The following POLR3A variants were observed in gnomAD, a reference collection of about 807,000 sequenced individuals.
POLR3A encodes the protein DNA-directed RNA polymerase III subunit RPC1.
In POLR3A, 112 loss-of-function variants were observed where a neutral mutation model predicts 152.8. The observed-to-expected ratio is 0.73, with a 90% CI of 0.63 to 0.86. POLR3A has a LOEUF of 0.86. Among genes scored for constraint, POLR3A ranks in the 40% least tolerant of loss-of-function variants. POLR3A has a pLI of 0.00. For missense variants in POLR3A, 1,385 were observed against 1,743.1 expected, an observed-to-expected ratio of 0.79 and a Z score of 3.66; for synonymous variants, 615 against 652.1, an observed-to-expected ratio of 0.94 and a Z score of 0.87.
chr10:77,991,483 C>T (rs889752005), intron 20 of POLR3A, among the ~76,000 whole-genome samples: 3 of 152,168 alleles, frequency 2.0e-5, no homozygotes, highest in East Asian at 1.9e-4. Flanking sequence ...AAAACTCAAA[C>T]ATTTCAAGAG....
chr10:78,029,158 G>A (rs747679422), intron 1 of POLR3A, among the ~76,000 whole-genome samples: 1 of 152,124 alleles, frequency 6.6e-6, no homozygotes, highest in African/African-American at 2.4e-5. Context: ...CCCAAGTCCA[G>A]GGACCTCTCG....
At position 78,009,872 on chromosome 10, in the gene POLR3A, T is replaced by C. The variant is rs1212153548; in HGVS notation, c.1762A>G (p.Ile588Val). ...ACAACTCCCACACACACCTTTAGGA[T>C]TGTAGGCGGTGGGAGGCGAACTTTA... is the stretch of plus-strand genomic sequence containing the variant. The part of the protein sequence containing the change: ...KIKVRLPPPT[I>V]LKPVTLWTGK... The change falls in exon 13 of 31, where the codon ATC becomes GTC. Residue 588 changes from isoleucine to valine, a missense_variant. Physicochemically the swap from Ile to Val is conservative, Grantham distance 29. Coordinates refer to ENST00000372371, the MANE Select transcript of POLR3A (RefSeq NM_007055.4). The C allele has an allele frequency of 5.0e-6, 8 of 1,613,956 alleles. No homozygotes were observed. The South Asian group carries it at 7.7e-5, about 16-fold the overall frequency.
At chr10:78,012,782 T>C (rs907993229) in intron 11 of POLR3A, among the ~76,000 whole-genome samples, 8 of 151,956 alleles carry the variant, frequency 5.3e-5, no homozygotes, top group Admixed American at 3.9e-4. Context: ...ACTGCAGTGG[T>C]GCAATCACAG....
chr10:78,000,222 AC>A lies in POLR3A; in HGVS notation c.2479-105del, dbSNP rs1305626124. On this transcript the variant is annotated intron_variant, in intron 18 of 30. Transcript: ENST00000372371. ...AATGCCCCACCTTGAGACTATAAAT[AC>A]CTGGCCAGTATATTCTCACTAAATG... is the stretch of plus-strand genomic sequence containing the variant. 1.8e-5 allele frequency: 17 copies of A among 947,698 alleles called. No individual in the cohort carries two copies. In the East Asian group the frequency reaches 4.4e-4, roughly 25 times the overall value. The allele number at this position is 947,698 out of a possible 1,614,324, so 58.7% of individuals were successfully genotyped here.
rs773941193 is a variant in POLR3A at position 77,993,298 on chromosome 10, C to T, written c.2686G>A (p.Asp896Asn). ...CCTCCATAAATGAACTGGATAATAT[C>T]GCCAGTAGAGCTTCGGACTGTCAGA... ...YDLTVRSSTG[D>N]IIQFIYGGDG... Residue 896 changes from aspartate to asparagine, a missense_variant, in exon 20 of 31, where the codon GAT becomes AAT. Asp to Asn is a conservative substitution (Grantham distance 23). Transcript: ENST00000372371. 2.3e-5 allele frequency: 37 copies of T among 1,610,644 alleles called. No homozygotes were observed. The highest frequency in any genetic ancestry group is 6.6e-5 in the South Asian group (6 of 91,018).
chr10:77,994,219 A>C (rs1847275684), intron 19 of POLR3A, among the ~76,000 whole-genome samples: 1 of 152,200 alleles, frequency 6.6e-6, no homozygotes, highest in African/African-American at 2.4e-5. Flanking sequence ...ACACACAAAA[A>C]AGACGATTAA....
chr10:78,020,744 C>T (rs1039003025), intron 8 of POLR3A, among the ~76,000 whole-genome samples: 4 of 151,798 alleles, frequency 2.6e-5, no homozygotes, highest in South Asian at 4.2e-4. Flanking sequence ...GCAGAGATCA[C>T]GCCACTGCAC....
intron 30 of POLR3A, 76 bp downstream of exon 30, chr10:77,980,065 C>T: frequency 2.9e-6 from 4 of 1,391,890 alleles, no homozygotes; most frequent in Non-Finnish European, 4.1e-6. Flanking sequence ...TTTTTTCATT[C>T]CCTTGGAAGC....
chr10:77,991,212 G>A (rs767890315), intron 20 of POLR3A, 45 bp from the exon 21 acceptor site: 28 of 1,085,188 alleles, frequency 2.6e-5, no homozygotes, highest in Non-Finnish European at 4.0e-5. Context: ...GTGCCACAGA[G>A]AGCAGGCGGT....
intron 5 of POLR3A, among the ~76,000 whole-genome samples, chr10:78,022,812 A>C (rs150539147): frequency 2.0e-5 from 3 of 152,224 alleles, no homozygotes; most frequent in Non-Finnish European, 4.4e-5. Flanking sequence ...TTGGGGGGAA[A>C]AAAAGATACT....
At chr10:77,989,416 G>C (rs1056495012) in intron 21 of POLR3A, among the ~76,000 whole-genome samples, 2 of 152,198 alleles carry the variant, frequency 1.3e-5, no homozygotes, top group African/African-American at 4.8e-5. Flanking sequence ...GTGGATTTTG[G>C]ACCCTCTCAG....
intron 10 of POLR3A, 57 bp from the exon 11 acceptor site, chr10:78,013,847 C>T: frequency 6.2e-7 from 1 of 1,610,452 alleles, no homozygotes; most frequent in Non-Finnish European, 8.5e-7. Flanking sequence ...TATCCAAAAG[C>T]TTCTCTGTTT....
At chr10:78,007,674 A>G in intron 15 of POLR3A, 28 bp downstream of exon 15, 6 of 1,606,056 alleles carry the variant, frequency 3.7e-6, no homozygotes, top group Non-Finnish European at 5.1e-6. Flanking sequence ...TGCAGCTTTA[A>G]CTAAAAGAAG....
At chr10:78,019,084 A>G in intron 9 of POLR3A, 78 bp downstream of exon 9, 1 of 998,016 alleles carries the variant, frequency 1.0e-6, no homozygotes, top group Non-Finnish European at 1.6e-6. Context: ...TCTGGATTGC[A>G]TTCTGTGGCT....
Position 78,009,985 on chromosome 10 carries a change from T to G in POLR3A, c.1649A>C (p.Tyr550Ser). Reference sequence around the variant, plus strand: ...GAAAGTGTCCTTGAGAGTGAGGAGATAGGCACCTAAGCATTAGGAACCAAC... The same window carrying G: ...GAAAGTGTCCTTGAGAGTGAGGAGAGAGGCACCTAAGCATTAGGAACCAAC... ...AAIQDFLTGA[Y>S]LLTLKDTFFD... The change falls in exon 13 of 31, where the codon TAT becomes TCT. Residue 550 changes from tyrosine (Y) to serine (S), a missense_variant. By Grantham distance (144) the Tyr-to-Ser change is moderately radical. Around this residue, in one of 7 missense-constraint regions of POLR3A, gnomAD observed 188 missense variants for 179.9 expected, o/e 1.04. Transcript: ENST00000372371. 5 of 1,614,010 alleles carry G rather than the reference T, an allele frequency of 3.1e-6. No individual in the cohort carries two copies. Among genetic ancestry groups the G allele is most frequent in the Non-Finnish European group, 4.2e-6 (5 of 1,179,926 alleles).
In POLR3A at chr10:78,025,099, T is replaced by A. The variant is rs746087323; in HGVS notation, c.362A>T (p.Glu121Val). ...TCCHIMLSQE[E>V]KKQFLDYLKR... ...TAGATAGTCCAGAAACTGCTTCTTC[T>A]CCTCTTGGGACAGCATGATGTGGCA... is the stretch of plus-strand genomic sequence containing the variant. The change falls in exon 4 of 31, where the codon GAG becomes GTG. Residue 121 changes from glutamate to valine, a missense_variant. Transcript: ENST00000372371. 2 of 1,614,234 alleles carry A rather than the reference T, an allele frequency of 1.2e-6. No homozygotes were observed. Among genetic ancestry groups the A allele is most frequent in the Admixed American group, 3.3e-5 (2 of 60,028 alleles).
chr10:77,981,346 G>T, intron 29 of POLR3A, 82 bp downstream of exon 29: 1 of 1,331,644 alleles, frequency 7.5e-7, no homozygotes, highest in Non-Finnish European at 1.1e-6. Flanking sequence ...TATTCTACAT[G>T]TCTTAGAAAC....
intron 11 of POLR3A, chr10:78,013,170 C>T (rs1006887012): frequency 1.7e-5 from 4 of 237,774 alleles, no homozygotes; most frequent in African/African-American, 9.1e-5. Context: ...TATAATACTG[C>T]ATCCTCTAAG....
chr10:77,980,980 CA>C (rs1847135456), intron 29 of POLR3A, among the ~76,000 whole-genome samples: 1 of 151,936 alleles, frequency 6.6e-6, no homozygotes, highest in African/African-American at 2.4e-5. Flanking sequence ...AAAAAAAAAT[CA>C]AACCAACCAA....
Sources: gnomAD v4.1 joint callset for allele counts (sites outside exome capture counted in the v4.1 genomes callset) on GRCh38, gnomAD v4.1.1 for gene constraint, gnomAD v4.1.1 regional missense constraint, MANE v1.5 for transcripts, NCBI Gene and HGNC (gene_info 2026-07-23, HGNC 2026-07-21) for gene names.